The following ADAMTSL1 variants were observed in gnomAD, a reference collection of about 807,000 sequenced individuals.
The protein encoded by ADAMTSL1 is ADAMTS like 1.
A neutral mutation model predicts 201.8 loss-of-function variants in ADAMTSL1; 126 were observed. That is an observed-to-expected ratio of 0.62 (90% confidence interval 0.54 to 0.72). The LOEUF is 0.72. ADAMTSL1 is among the 30% of genes least tolerant of loss of function. ADAMTSL1 has a pLI of 0.00. For missense variants in ADAMTSL1, 2,679 were observed against 2,277.8 expected, an observed-to-expected ratio of 1.18 and a Z score of -3.59; for synonymous variants, 1,121 against 903.4, an observed-to-expected ratio of 1.24 and a Z score of -4.32.
chr9:18,745,666 A>G (rs532200462), intron 15 of ADAMTSL1, among the ~76,000 whole-genome samples: 1 of 152,346 alleles, frequency 6.6e-6, no homozygotes, highest in South Asian at 2.1e-4. Context: ...ATATATGTAT[A>G]GTTGTATATA....
At chr9:18,086,845 A>AT (rs1489386126) in intron 1 of ADAMTSL1, among the ~76,000 whole-genome samples, 1 of 152,140 alleles carries the variant, frequency 6.6e-6, no homozygotes, top group African/African-American at 2.4e-5. Context: ...TTAGCTTCGT[A>AT]TTTTTTTATT....
intron 1 of ADAMTSL1, among the ~76,000 whole-genome samples, chr9:18,139,359 A>G (rs1002857389): frequency 3.3e-5 from 5 of 152,160 alleles, no homozygotes; most frequent in Non-Finnish European, 5.9e-5. Flanking sequence ...AACCGATGAC[A>G]TTACTTGTCA....
intron 15 of ADAMTSL1, among the ~76,000 whole-genome samples, chr9:18,732,790 T>C (rs973123444): frequency 3.2e-4 from 48 of 152,186 alleles, no homozygotes; most frequent in Non-Finnish European, 5.6e-4. Flanking sequence ...GGGCATCTTG[T>C]CCCCATATCC....
intron 2 of ADAMTSL1, among the ~76,000 whole-genome samples, chr9:18,459,460 TCAATAAA>T (rs1820728281): frequency 6.6e-6 from 1 of 152,160 alleles, no homozygotes; most frequent in Non-Finnish European, 1.5e-5. Flanking sequence ...TTTTATTTAT[TCAATAAA>T]TATTTATTGA....
intron 19 of ADAMTSL1, among the ~76,000 whole-genome samples, chr9:18,784,300 C>G (rs1016871266): frequency 6.6e-6 from 1 of 152,152 alleles, no homozygotes; most frequent in South Asian, 2.1e-4. Flanking sequence ...GTTTATTAAT[C>G]ATTCTCAAGG....
intron 4 of ADAMTSL1, among the ~76,000 whole-genome samples, chr9:18,608,643 T>A (rs1825183802): frequency 6.6e-6 from 1 of 152,048 alleles, no homozygotes; most frequent in South Asian, 2.1e-4. Flanking sequence ...AAGGCTAGAG[T>A]TAGAAAGAGT....
At chr9:18,071,439 A>G (rs1294786649) in intron 1 of ADAMTSL1, among the ~76,000 whole-genome samples, 1 of 152,230 alleles carries the variant, frequency 6.6e-6, no homozygotes, top group Admixed American at 6.5e-5. Context: ...AAATAGTTAA[A>G]GGAACCGGAG....
chr9:18,338,368 C>T (rs568277210), intron 2 of ADAMTSL1, among the ~76,000 whole-genome samples: 1 of 152,210 alleles, frequency 6.6e-6, no homozygotes, highest in South Asian at 2.1e-4. Flanking sequence ...GTCTGGTTTT[C>T]TATTTCCATT....
intron 21 of ADAMTSL1, among the ~76,000 whole-genome samples, chr9:18,821,373 G>T (rs1004478884): frequency 6.6e-5 from 10 of 152,170 alleles, no homozygotes; most frequent in African/African-American, 2.4e-4. Flanking sequence ...TGCCTTCCAA[G>T]GTCTCCATAG....
intron 2 of ADAMTSL1, among the ~76,000 whole-genome samples, chr9:18,232,696 T>A (rs1830690745): frequency 6.6e-6 from 1 of 152,184 alleles, no homozygotes; most frequent in African/African-American, 2.4e-5. Flanking sequence ...TGAATCATTC[T>A]GACAAATAGT....
chr9:18,041,038 A>T (rs1464935473), intron 1 of ADAMTSL1, among the ~76,000 whole-genome samples: 1 of 152,186 alleles, frequency 6.6e-6, no homozygotes, highest in Admixed American at 6.5e-5. Context: ...ACCATCCACT[A>T]GGGGGGCAAT....
chr9:18,136,369 T>G (rs1184501344), intron 1 of ADAMTSL1, among the ~76,000 whole-genome samples: 5 of 152,128 alleles, frequency 3.3e-5, no homozygotes, highest in Non-Finnish European at 2.9e-5. Context: ...CAAATTGCAT[T>G]TAAGCAAGAG....
chr9:18,591,189 A>G (rs1823891701), intron 4 of ADAMTSL1, among the ~76,000 whole-genome samples: 1 of 152,104 alleles, frequency 6.6e-6, no homozygotes, highest in African/African-American at 2.4e-5. Context: ...TGCTTTATAT[A>G]TTTGGATGTG....
Position 18,104,917 on chromosome 9 carries a change from G to C in ADAMTSL1, c.88-58945G>C, listed in dbSNP as rs532707994. 8.5e-5 allele frequency among the ~76,000 whole-genome samples: 13 copies of C among 152,108 alleles called. No individual in the cohort carries two copies. The East Asian group carries it at 2.5e-3, about 29-fold the overall frequency. On this transcript the variant is annotated intron_variant, in intron 1 of 29. Transcript: ENST00000680146. Reference sequence around the variant, plus strand: ...GAGGCTTCAAACTAAGGGTGGACTGGAGCAAAGTAAAATAAATCAGACTTA... The same window carrying C: ...GAGGCTTCAAACTAAGGGTGGACTGCAGCAAAGTAAAATAAATCAGACTTA...
chr9:18,054,173 T>G (rs1822066311), intron 1 of ADAMTSL1, among the ~76,000 whole-genome samples: 1 of 152,242 alleles, frequency 6.6e-6, no homozygotes, highest in Non-Finnish European at 1.5e-5. Flanking sequence ...TGTGTATGTA[T>G]GTGCATACAT....
intron 4 of ADAMTSL1, among the ~76,000 whole-genome samples, chr9:18,583,995 G>T (rs1051880956): frequency 6.6e-6 from 1 of 152,210 alleles, no homozygotes; most frequent in African/African-American, 2.4e-5. Flanking sequence ...TGAGACGATG[G>T]ACTGTGGGCT....
intron 1 of ADAMTSL1, among the ~76,000 whole-genome samples, chr9:18,011,152 A>G (rs1820035826): frequency 6.6e-6 from 1 of 152,026 alleles, no homozygotes; most frequent in African/African-American, 2.4e-5. Flanking sequence ...TAGCTAGCCT[A>G]GAACTAATTT....
At position 18,661,894 on chromosome 9, in the gene ADAMTSL1, G is replaced by C. The variant is rs896869483; in HGVS notation, c.947-41G>C. ...ATGCATAAAGAAATATATTGCATTG[G>C]CATGTACATTTAAACTTGCCTGGAT... On this transcript the variant is annotated intron_variant, in intron 8 of 28. Transcript: ENST00000380548. 3.8e-6 allele frequency: 6 copies of C among 1,593,638 alleles called. No homozygotes were observed. In the South Asian group the frequency reaches 4.6e-5, roughly 12 times the overall value.
At chr9:18,243,974 A>G (rs1408588647) in intron 2 of ADAMTSL1, among the ~76,000 whole-genome samples, 1 of 152,104 alleles carries the variant, frequency 6.6e-6, no homozygotes, top group Non-Finnish European at 1.5e-5. Flanking sequence ...GAGATGTCAA[A>G]GGTATGCATC....
Sources: gnomAD v4.1 joint callset for allele counts (sites outside exome capture counted in the v4.1 genomes callset) on GRCh38, gnomAD v4.1.1 for gene constraint, MANE v1.5 for transcripts, NCBI Gene and HGNC (gene_info 2026-07-23, HGNC 2026-07-21) for gene names.